ADAMTS9: variants seen among roughly 807,000 people sequenced by gnomAD.
The protein encoded by ADAMTS9 is ADAM metallopeptidase with thrombospondin type 1 motif 9.
Under a neutral mutation model 257.1 loss-of-function variants are expected in ADAMTS9, and 107 were observed. The observed-to-expected ratio is 0.42, with a 90% CI of 0.36 to 0.49. The LOEUF (loss-of-function observed/expected upper bound fraction) is 0.49, where lower values mean the gene tolerates loss of function less well. Ranked by LOEUF, ADAMTS9 falls within the 20% of genes least tolerant of loss-of-function variation. ADAMTS9 has a pLI of 0.03. For synonymous variants in ADAMTS9, 982 were observed against 880.9 expected, an observed-to-expected ratio of 1.11 and a Z score of -2.03; for missense variants, 2,353 against 2,469.1, an observed-to-expected ratio of 0.95 and a Z score of 1.00.
intron 3 of ADAMTS9, among the ~76,000 whole-genome samples, chr3:64,668,296 G>A (rs1211956087): frequency 6.6e-6 from 1 of 152,092 alleles, no homozygotes; most frequent in Non-Finnish European, 1.5e-5. Flanking sequence ...AGAGTCTATT[G>A]AACCCCATTA....
chr3:64,602,653 T>C (rs1255015685), intron 25 of ADAMTS9, among the ~76,000 whole-genome samples: 1 of 152,198 alleles, frequency 6.6e-6, no homozygotes, highest in Non-Finnish European at 1.5e-5. Context: ...TCATACCTAC[T>C]GCACCTTTTG....
chr3:64,572,636 C>T (rs145792712), intron 28 of ADAMTS9, among the ~76,000 whole-genome samples: 10 of 152,100 alleles, frequency 6.6e-5, no homozygotes, highest in Admixed American at 5.9e-4. Flanking sequence ...ACCTGGACAT[C>T]CAAAACAAGA....
At chr3:64,529,422 T>G (rs544439231) in intron 38 of ADAMTS9, among the ~76,000 whole-genome samples, 19 of 148,738 alleles carry the variant, frequency 1.3e-4, no homozygotes, top group Non-Finnish European at 2.1e-4. Context: ...AGGTTTTCAT[T>G]TTTTTTTTTC....
intron 29 of ADAMTS9, among the ~76,000 whole-genome samples, chr3:64,564,949 T>C (rs1253661411): frequency 6.6e-6 from 1 of 152,222 alleles, no homozygotes; most frequent in Non-Finnish European, 1.5e-5. Flanking sequence ...CAAGGTAGCA[T>C]AGCTACTGCG....
At chr3:64,522,824 C>T (rs1171826982) in intron 38 of ADAMTS9, among the ~76,000 whole-genome samples, 1 of 151,948 alleles carries the variant, frequency 6.6e-6, no homozygotes, top group Non-Finnish European at 1.5e-5. Context: ...GAAAGGTAGA[C>T]TTTGAATGTT....
chr3:64,541,599 T>G lies in ADAMTS9; in HGVS notation c.5219A>C (p.Lys1740Thr). The change falls in exon 34 of 40, where the codon AAG becomes ACG. Residue 1740 changes from lysine to threonine, a missense_variant. By Grantham distance (78) the Lys-to-Thr change is moderately conservative. Transcript: ENST00000498707. ...GGCACCTTTAAGTCTTTTTACCTCCTTGCAATTCTGGGGTAACTCACCTAG... is the reference window on the plus strand; with the variant it reads ...GGCACCTTTAAGTCTTTTTACCTCCGTGCAATTCTGGGGTAACTCACCTAG... The part of the protein sequence containing the change: ...VYNCELPQNC[K>T]EVKRLKGASE... 6.2e-7 allele frequency: 1 copy of G among 1,614,022 alleles called. No individual in the cohort carries two copies. Among genetic ancestry groups the G allele is most frequent in the African/African-American group, 1.3e-5 (1 of 75,012 alleles).
chr3:64,608,164 A>G (rs2084592315), intron 22 of ADAMTS9, among the ~76,000 whole-genome samples: 1 of 138,172 alleles, frequency 7.2e-6, no homozygotes, highest in Middle Eastern at 3.6e-3. Flanking sequence ...AAACACCTAC[A>G]CTAATAAAGA....
intron 25 of ADAMTS9, 43 bp from the exon 26 acceptor site, chr3:64,602,256 G>A (rs1196728164): frequency 3.1e-6 from 5 of 1,596,830 alleles, no homozygotes; most frequent in Non-Finnish European, 3.4e-6. Flanking sequence ...GTCATTTGGT[G>A]GAGGGGTTGA....
At chr3:64,546,712 T>G in intron 32 of ADAMTS9, 46 bp downstream of exon 32, 1,696 of 1,491,314 alleles carry the variant, frequency 1.1e-3, no homozygotes, top group Middle Eastern at 1.5e-3. Context: ...AAGACGGGGT[T>G]GAGATCCAAG....
At chr3:64,524,968 G>A (rs1007453850) in intron 38 of ADAMTS9, among the ~76,000 whole-genome samples, 2 of 152,076 alleles carry the variant, frequency 1.3e-5, no homozygotes, top group Non-Finnish European at 2.9e-5. Context: ...TTTTGGCCTG[G>A]TAAATTCTTC....
intron 3 of ADAMTS9, among the ~76,000 whole-genome samples, chr3:64,677,869 C>T (rs1701659996): frequency 6.6e-6 from 1 of 152,216 alleles, no homozygotes. Context: ...TGAATAAATG[C>T]ACGCATGAAT....
chr3:64,631,714 G>C, intron 15 of ADAMTS9, 94 bp downstream of exon 15: 2 of 1,265,538 alleles, frequency 1.6e-6, no homozygotes, highest in South Asian at 2.5e-5. Context: ...TGATTTTTAT[G>C]CTCGACATTA....
intron 39 of ADAMTS9, among the ~76,000 whole-genome samples, chr3:64,518,468 C>A (rs572064233): frequency 6.6e-6 from 1 of 152,068 alleles, no homozygotes; most frequent in Non-Finnish European, 1.5e-5. Flanking sequence ...TGACCAGTTC[C>A]GTCTTTTACT....
At position 64,568,551 on chromosome 3, in the gene ADAMTS9, A is replaced by G; in HGVS notation, c.4357-16T>C. 1 of 1,609,864 alleles carries G rather than the reference A, an allele frequency of 6.2e-7. No individual in the cohort carries two copies. Among genetic ancestry groups the G allele is most frequent in the Non-Finnish European group, 8.5e-7 (1 of 1,178,952 alleles). ...AGACAGAACACTGCAATATAAAGCA[A>G]TGGCAAGGTTGTTGTTGTTTTTTAA... On this transcript the variant is annotated splice_polypyrimidine_tract_variant and intron_variant, in intron 28 of 39. Coordinates refer to ENST00000498707, the MANE Select transcript of ADAMTS9 (RefSeq NM_182920.2).
At chr3:64,685,592 G>T (rs570460127) in intron 2 of ADAMTS9, among the ~76,000 whole-genome samples, 1 of 152,192 alleles carries the variant, frequency 6.6e-6, no homozygotes, top group African/African-American at 2.4e-5. Context: ...GTGGAGAAGT[G>T]GGGGGCAGAT....
At chr3:64,570,166 G>T (rs1284068184) in intron 28 of ADAMTS9, among the ~76,000 whole-genome samples, 1 of 152,120 alleles carries the variant, frequency 6.6e-6, no homozygotes, top group Non-Finnish European at 1.5e-5. Context: ...CATTTATAGA[G>T]CACCTACAAT....
intron 37 of ADAMTS9, among the ~76,000 whole-genome samples, chr3:64,538,645 T>C (rs1224061593): frequency 6.6e-6 from 1 of 152,186 alleles, no homozygotes; most frequent in African/African-American, 2.4e-5. Context: ...TTCTATATCA[T>C]GCAATATTCA....
intron 31 of ADAMTS9, among the ~76,000 whole-genome samples, chr3:64,549,394 G>C (rs2083242103): frequency 6.6e-6 from 1 of 152,242 alleles, no homozygotes; most frequent in Non-Finnish European, 1.5e-5. Flanking sequence ...TGTCAATCTT[G>C]GCCAGGTGAA....
intron 26 of ADAMTS9, among the ~76,000 whole-genome samples, chr3:64,597,828 C>T (rs1293860311): frequency 6.6e-6 from 1 of 152,166 alleles, no homozygotes; most frequent in African/African-American, 2.4e-5. Context: ...TGCTAGTGTC[C>T]TTTACCCCGA....
Sources: gnomAD v4.1 joint callset for allele counts (sites outside exome capture counted in the v4.1 genomes callset) on GRCh38, gnomAD v4.1.1 for gene constraint, MANE v1.5 for transcripts, NCBI Gene and HGNC (gene_info 2026-07-23, HGNC 2026-07-21) for gene names.